The following DOCK3 variants were observed in gnomAD, a reference collection of about 807,000 sequenced individuals.
The protein encoded by DOCK3 is dedicator of cytokinesis 3, also known as dedicator of cytokinesis protein 3.
A neutral mutation model predicts 265.6 loss-of-function variants in DOCK3; 60 were observed. The ratio of observed to expected loss-of-function variants is 0.23; its 90% CI spans 0.18 to 0.28. The LOEUF (loss-of-function observed/expected upper bound fraction) is 0.28, where lower values mean the gene tolerates loss of function less well. Among genes scored for constraint, DOCK3 ranks in the 10% least tolerant of loss-of-function variants. The probability of loss-of-function intolerance (pLI) is 1.00; values close to 1 mark genes in which losing one functional copy is unlikely to be tolerated. For synonymous variants in DOCK3, 881 were observed against 938.0 expected, an observed-to-expected ratio of 0.94 and a Z score of 1.11; for missense variants, 1,981 against 2,594.3, an observed-to-expected ratio of 0.76 and a Z score of 5.14.
intron 5 of DOCK3, among the ~76,000 whole-genome samples, chr3:50,964,838 TTAC>T (rs1266121734): frequency 1.3e-5 from 2 of 151,940 alleles, no homozygotes; most frequent in Non-Finnish European, 2.9e-5. Flanking sequence ...TATAATCAGT[TTAC>T]TCAAAAGCAG....
intron 5 of DOCK3, among the ~76,000 whole-genome samples, chr3:51,064,084 T>A (rs908321731): frequency 3.9e-5 from 6 of 152,196 alleles, no homozygotes; most frequent in African/African-American, 1.2e-4. Context: ...ATGGTTGAAA[T>A]TTTTGCTTTT....
At chr3:51,050,005 G>A (rs1027697519) in intron 5 of DOCK3, among the ~76,000 whole-genome samples, 1 of 151,948 alleles carries the variant, frequency 6.6e-6, no homozygotes, top group Non-Finnish European at 1.5e-5. Context: ...AATTAACCAA[G>A]GAAATTGAAG....
intron 27 of DOCK3, among the ~76,000 whole-genome samples, chr3:51,294,206 A>G (rs2081946036): frequency 6.6e-6 from 1 of 152,204 alleles, no homozygotes; most frequent in Admixed American, 6.5e-5. Flanking sequence ...CTATCAGCAG[A>G]TGAATAGATT....
chr3:51,047,949 C>T (rs565416737), intron 5 of DOCK3, among the ~76,000 whole-genome samples: 1 of 152,166 alleles, frequency 6.6e-6, no homozygotes, highest in East Asian at 1.9e-4. Context: ...AACTTCAGGC[C>T]ACTATTCCTA....
chr3:51,317,830 T>A, intron 32 of DOCK3, among the ~76,000 whole-genome samples: 1 of 152,114 alleles, frequency 6.6e-6, no homozygotes, highest in East Asian at 1.9e-4. Flanking sequence ...TTTGTGTGAA[T>A]CTCTTTCTAG....
chr3:50,695,270 A>G (rs961817922), intron 1 of DOCK3, among the ~76,000 whole-genome samples: 3 of 152,220 alleles, frequency 2.0e-5, no homozygotes, highest in African/African-American at 7.2e-5. Context: ...GCCAGAAGGA[A>G]CTCAGTTCTT....
chr3:51,361,807 C>T lies in DOCK3; in HGVS notation c.5007-52C>T, dbSNP rs1276567432. 1.9e-6 allele frequency: 3 copies of T among 1,588,442 alleles called. No individual in the cohort carries two copies. In the East Asian group the frequency reaches 6.7e-5, roughly 36 times the overall value. ...CCACACATTCCGCTCTACTGTCCCC[C>T]TGCCACCTGCCATGGGCCTGACTCC... On this transcript the variant is annotated intron_variant, in intron 47 of 52. Coordinates refer to ENST00000266037, the MANE Select transcript of DOCK3 (RefSeq NM_004947.5). The surrounding 1 kb of genome is among the most constrained non-coding windows in gnomAD (Gnocchi z 4.2).
chr3:51,265,104 G>C (rs2080090465), intron 23 of DOCK3, among the ~76,000 whole-genome samples: 1 of 152,124 alleles, frequency 6.6e-6, no homozygotes, highest in Non-Finnish European at 1.5e-5. Context: ...AACTCTGGAA[G>C]AAATTTATAA....
chr3:51,229,698 C>A, intron 19 of DOCK3, 89 bp downstream of exon 19: 2 of 949,262 alleles, frequency 2.1e-6, no homozygotes, highest in South Asian at 3.3e-5. Flanking sequence ...CAATAACCGT[C>A]TGAGACTGTT....
At chr3:50,949,633 ATT>A (rs1448754599) in intron 5 of DOCK3, among the ~76,000 whole-genome samples, 2 of 152,130 alleles carry the variant, frequency 1.3e-5, no homozygotes. Context: ...TATATTAGTC[ATT>A]TAAAAATTAT....
intron 22 of DOCK3, among the ~76,000 whole-genome samples, chr3:51,249,588 C>T (rs1319629938): frequency 1.6e-5 from 2 of 122,868 alleles, no homozygotes; most frequent in African/African-American, 3.0e-5. Flanking sequence ...CCGCCCAGTC[C>T]GGGAGGGAGG....
chr3:50,728,223 T>G (rs2037955331), intron 1 of DOCK3, among the ~76,000 whole-genome samples: 1 of 152,196 alleles, frequency 6.6e-6, no homozygotes, highest in Non-Finnish European at 1.5e-5. Context: ...AAATATTTTG[T>G]CATGCAGGGT....
At chr3:50,946,387 A>T (rs2076428673) in intron 5 of DOCK3, among the ~76,000 whole-genome samples, 1 of 152,134 alleles carries the variant, frequency 6.6e-6, no homozygotes, top group South Asian at 2.1e-4. Context: ...AGTTTCAAAG[A>T]TTTTTCTCTC....
intron 17 of DOCK3, 48 bp from the exon 18 acceptor site, chr3:51,228,613 C>A: frequency 1.9e-6 from 3 of 1,559,948 alleles, no homozygotes; most frequent in Non-Finnish European, 2.6e-6. Context: ...CTGGTTTTTG[C>A]ATGTTGCATG....
At chr3:51,159,176 G>A in intron 10 of DOCK3, 68 bp from the exon 11 acceptor site, 3 of 1,491,200 alleles carry the variant, frequency 2.0e-6, no homozygotes, top group Non-Finnish European at 2.8e-6. Context: ...AATGACTAGA[G>A]ATTCAAAATG....
chr3:51,205,903 C>T (rs1375499618), intron 12 of DOCK3, among the ~76,000 whole-genome samples: 1 of 152,182 alleles, frequency 6.6e-6, no homozygotes, highest in Non-Finnish European at 1.5e-5. Flanking sequence ...TTCGAGAGTT[C>T]AGTCTTGGCA....
intron 27 of DOCK3, among the ~76,000 whole-genome samples, chr3:51,306,480 A>G (rs943916133): frequency 1.3e-5 from 2 of 152,050 alleles, no homozygotes; most frequent in African/African-American, 4.8e-5. Flanking sequence ...GTTTTTGCCC[A>G]TTATTTCTTC....
At chr3:51,362,791 C>A in intron 49 of DOCK3, 117 bp downstream of exon 49, 2 of 1,411,318 alleles carry the variant, frequency 1.4e-6, no homozygotes, top group African/African-American at 1.4e-5. Context: ...AGAGAATACT[C>A]ATTTGTGCTT....
rs140187130 is a variant in DOCK3, at chr3:51,376,983, C to T, written c.5500+1148C>T. Among the ~76,000 whole-genome samples the T allele has an allele frequency of 1.8e-4, 27 of 152,374 alleles. No individual in the cohort carries two copies. In the East Asian group the frequency reaches 2.7e-3, roughly 15 times the overall value. Reference sequence around the variant, plus strand: ...GTGACCCAAAACAGAGTGCCCTTTTCGCCTGGAGGGCCAGAATCCACAGTG... The same window carrying T: ...GTGACCCAAAACAGAGTGCCCTTTTTGCCTGGAGGGCCAGAATCCACAGTG... On this transcript the variant is annotated intron_variant, in intron 51 of 52. Coordinates refer to ENST00000266037, the MANE Select transcript of DOCK3 (RefSeq NM_004947.5).
Sources: allele counts gnomAD v4.1 joint callset (sites outside exome capture counted in the v4.1 genomes callset), GRCh38; gene constraint gnomAD v4.1.1; non-coding constraint Gnocchi (gnomAD v3.1); transcripts MANE v1.5; gene names NCBI Gene and HGNC (gene_info 2026-07-23, HGNC 2026-07-21).